The following NEBL variants were observed in gnomAD, a reference collection of about 807,000 sequenced individuals.
NEBL encodes the protein nebulette.
In NEBL, 122 loss-of-function variants were observed where a neutral mutation model predicts 140.2. That is an observed-to-expected ratio of 0.87 (90% CI 0.75 to 1.01). NEBL has a LOEUF of 1.01. Among genes scored for constraint, NEBL ranks in the 50% least tolerant of loss-of-function variants. The pLI is 0.00. For synonymous variants in NEBL, 436 were observed against 398.9 expected (o/e 1.09, Z -1.11); for missense variants, 1,365 against 1,231.3 (o/e 1.11, Z -1.62).
At chr10:20,955,530 C>A (rs1340709151) in intron 4 of NEBL, among the ~76,000 whole-genome samples, 2 of 152,052 alleles carry the variant, frequency 1.3e-5, no homozygotes, top group African/African-American at 4.8e-5. Flanking sequence ...AATCGAAGAA[C>A]AGAGGTGAAA....
intron 4 of NEBL, among the ~76,000 whole-genome samples, chr10:20,913,445 CTTA>C (rs1848413487): frequency 1.3e-5 from 2 of 152,006 alleles, no homozygotes; most frequent in African/African-American, 2.4e-5. Context: ...ATTAAAAGTA[CTTA>C]TTAAGAGATC....
intron 2 of NEBL, among the ~76,000 whole-genome samples, chr10:21,085,914 A>G (rs1223051432): frequency 1.3e-5 from 2 of 152,026 alleles, no homozygotes; most frequent in African/African-American, 4.8e-5. Flanking sequence ...AAATGTTTAG[A>G]TATACAGGAG....
At chr10:20,852,707 A>G (rs1842672942) in intron 9 of NEBL, 58 bp from the exon 10 acceptor site, 2 of 1,321,506 alleles carry the variant, frequency 1.5e-6, no homozygotes, top group Non-Finnish European at 1.1e-6. Context: ...AGAGCAATAA[A>G]TACTTAGAAA....
At chr10:21,030,410 G>T in intron 2 of NEBL, 1 of 618,164 alleles carries the variant, frequency 1.6e-6, no homozygotes, top group South Asian at 1.5e-5. Context: ...TCTAGAAAAT[G>T]AAACACTCAG....
chr10:21,112,725 A>G (rs1450415348), intron 2 of NEBL: 1 of 154,822 alleles, frequency 6.5e-6, no homozygotes, highest in Non-Finnish European at 1.4e-5. Flanking sequence ...CATGTACCCT[A>G]GAACTTAAAG....
At chr10:21,048,084 C>A (rs566990567) in intron 2 of NEBL, among the ~76,000 whole-genome samples, 3 of 152,276 alleles carry the variant, frequency 2.0e-5, no homozygotes, top group Admixed American at 6.5e-5. Context: ...TTCTCCAAGA[C>A]AAAAATTTCT....
intron 3 of NEBL, among the ~76,000 whole-genome samples, chr10:20,993,002 C>T (rs140471684): frequency 6.6e-6 from 1 of 151,666 alleles, no homozygotes; most frequent in African/African-American, 2.4e-5. Flanking sequence ...CCAGGATGGT[C>T]TTGATCTCCT....
intron 2 of NEBL, among the ~76,000 whole-genome samples, chr10:21,154,544 C>T (rs146954588): frequency 6.6e-6 from 1 of 151,402 alleles, no homozygotes; most frequent in East Asian, 1.9e-4. Context: ...CTCAATAACA[C>T]CTGTGTTTAG....
chr10:20,977,129 T>G (rs1487565240), intron 3 of NEBL, among the ~76,000 whole-genome samples: 1 of 151,944 alleles, frequency 6.6e-6, no homozygotes, highest in Non-Finnish European at 1.5e-5. Flanking sequence ...CAAAGTCAAA[T>G]CTCCCTAAAT....
At chr10:21,061,837 G>C (rs879853346) in intron 2 of NEBL, among the ~76,000 whole-genome samples, 22 of 152,074 alleles carry the variant, frequency 1.4e-4, no homozygotes, top group Non-Finnish European at 2.9e-4. Flanking sequence ...GATTGTACTT[G>C]GGTCACCTCT....
chr10:21,100,534 G>A (rs540855796), intron 2 of NEBL, among the ~76,000 whole-genome samples: 139 of 152,148 alleles, frequency 9.1e-4, no homozygotes, highest in Non-Finnish European at 1.6e-3. Flanking sequence ...GTGAACCCTG[G>A]GGGGCTGACC....
chr10:21,036,705 G>A (rs1353813703), intron 2 of NEBL, among the ~76,000 whole-genome samples: 1 of 151,938 alleles, frequency 6.6e-6, no homozygotes, highest in Non-Finnish European at 1.5e-5. Context: ...AGCAAAGCAC[G>A]TTCCTCCAGC....
At chr10:21,051,331 C>G (rs977186285) in intron 2 of NEBL, among the ~76,000 whole-genome samples, 1 of 152,078 alleles carries the variant, frequency 6.6e-6, no homozygotes, top group African/African-American at 2.4e-5. Context: ...TTAATGAGTA[C>G]ACAATGTGTA....
intron 3 of NEBL, among the ~76,000 whole-genome samples, chr10:21,236,240 A>C (rs957466090): frequency 6.6e-6 from 1 of 152,210 alleles, no homozygotes; most frequent in African/African-American, 2.4e-5. Context: ...AGAAATCTTT[A>C]AAAAGCCTAC....
chr10:20,949,234 G>A (rs1369052198), intron 4 of NEBL, among the ~76,000 whole-genome samples: 1 of 152,082 alleles, frequency 6.6e-6, no homozygotes, highest in Admixed American at 6.5e-5. Context: ...TTCCTAAGTG[G>A]GAGTCATACA....
intron 3 of NEBL, among the ~76,000 whole-genome samples, chr10:21,222,136 A>G (rs929682125): frequency 4.6e-5 from 7 of 152,106 alleles, no homozygotes; most frequent in African/African-American, 9.7e-5. Flanking sequence ...CAAAATGAAG[A>G]GGTGCTTTCA....
Position 20,993,885 on chromosome 10 carries a change from A to T in NEBL, c.249+26232T>A, listed in dbSNP as rs568354809. Among the ~76,000 whole-genome samples, 9 of 152,280 alleles carry T rather than the reference A, an allele frequency of 5.9e-5. No homozygotes were observed. The East Asian group carries it at 1.5e-3, about 26-fold the overall frequency. ...CCTAACTAACTCTCTAAAGAATATA[A>T]TACATTGGTTTATCACAGCTTAACA... On this transcript the variant is annotated intron_variant, in intron 3 of 6. Transcript: ENST00000417816.
chr10:21,144,657 T>C (rs1040192928), intron 2 of NEBL, among the ~76,000 whole-genome samples: 2 of 150,872 alleles, frequency 1.3e-5, no homozygotes, highest in African/African-American at 2.4e-5. Flanking sequence ...ACCCGGGGAG[T>C]TGGAGGTTGC....
intron 2 of NEBL, among the ~76,000 whole-genome samples, chr10:21,070,949 G>A (rs1363261443): frequency 6.6e-6 from 1 of 152,020 alleles, no homozygotes; most frequent in Non-Finnish European, 1.5e-5. Context: ...GACTGAGGTG[G>A]GAGGATCTCT....
Sources: gnomAD v4.1 joint callset for allele counts (sites outside exome capture counted in the v4.1 genomes callset) on GRCh38, gnomAD v4.1.1 for gene constraint, MANE v1.5 for transcripts, NCBI Gene and HGNC (gene_info 2026-07-23, HGNC 2026-07-21) for gene names.